The following FZD6 variants were observed in gnomAD, a reference collection of about 807,000 sequenced individuals.
FZD6 encodes the protein frizzled class receptor 6, also known as frizzled-6.
In FZD6, 49 loss-of-function variants were observed where a neutral mutation model predicts 61.4. That is an observed-to-expected ratio of 0.80 (90% CI 0.63 to 1.01). The LOEUF is 1.01. Among genes scored for constraint, FZD6 ranks in the 50% least tolerant of loss-of-function variants. The probability of loss-of-function intolerance (pLI) is 0.00; values close to 1 mark genes in which losing one functional copy is unlikely to be tolerated. For synonymous variants in FZD6, 265 were observed against 292.2 expected, an observed-to-expected ratio of 0.91 and a Z score of 0.95; for missense variants, 724 against 848.2, an observed-to-expected ratio of 0.85 and a Z score of 1.82.
chr8:103,331,589 GT>G lies in FZD6; in HGVS notation c.*82del. ...TATGCACTGTTTTGTAAGAATCACT[GT>G]TACATTCTTCTTTTGCACTTAAAGT... On this transcript the variant is annotated 3_prime_UTR_variant, in exon 7 of 7. Transcript: ENST00000358755. 1.0e-6 allele frequency: 1 copy of G among 976,738 alleles called. No individual in the cohort carries two copies. Among genetic ancestry groups the G allele is most frequent in the Non-Finnish European group, 1.6e-6 (1 of 615,760 alleles). 60.5% of individuals were successfully genotyped at this position (976,738 alleles called of 1,614,324 possible). A position where few individuals can be genotyped will look rare whatever the true frequency, so the allele number is the denominator to read the frequency against.
Position 103,331,496 on chromosome 8 carries a change from A to G in FZD6, c.2108A>G (p.His703Arg), listed in dbSNP as rs1563696331. The G allele has an allele frequency of 6.2e-7, 1 of 1,609,956 alleles. No homozygotes were observed. The highest frequency in any genetic ancestry group is 8.5e-7 in the Non-Finnish European group (1 of 1,176,144). The part of the protein sequence containing the change: ...GVRKEQGGGC[H>R]SDT ...AGAAAAGAGCAGGGAGGTGGTTGTC[A>G]TTCAGATACTTGAAGAACATTTTCT... Residue 703 changes from histidine (H) to arginine (R), a missense_variant, in exon 7 of 7, where the codon CAT becomes CGT. Transcript: ENST00000358755.
In FZD6 at chr8:103,324,530, G is replaced by T; in HGVS notation, c.424G>T (p.Glu142Ter). 2 of 1,611,180 alleles carry T rather than the reference G, an allele frequency of 1.2e-6. No homozygotes were observed. Among genetic ancestry groups the T allele is most frequent in the Non-Finnish European group, 1.7e-6 (2 of 1,177,406 alleles). The change falls in exon 4 of 7, where the codon GAA (glutamate) becomes TAA (stop). Residue 142 changes from glutamate (E) to a stop codon, truncating the protein, a stop_gained. Transcript: ENST00000358755. LOFTEE classifies it high-confidence loss of function. ...TVPVTFDPHT[E>*]FLGPQKKTEQ... ...TCCTGTAACTTTTGATCCACACACA[G>T]AATTTCTTGGTCCTCAGAAGAAAAC...
intron 2 of FZD6, among the ~76,000 whole-genome samples, chr8:103,303,422 C>T (rs1280425128): frequency 1.3e-5 from 2 of 152,178 alleles, no homozygotes; most frequent in Non-Finnish European, 2.9e-5. Context: ...CCACTCTACA[C>T]CCTTACAGTA....
intron 2 of FZD6, among the ~76,000 whole-genome samples, chr8:103,305,493 C>T (rs1814305069): frequency 6.6e-6 from 1 of 152,150 alleles, no homozygotes. Context: ...TAGAAGAGTC[C>T]AGTCCCTTCC....
At chr8:103,310,408 T>C (rs1428127094) in intron 2 of FZD6, among the ~76,000 whole-genome samples, 1 of 152,120 alleles carries the variant, frequency 6.6e-6, no homozygotes, top group Non-Finnish European at 1.5e-5. Flanking sequence ...CAGCTGGGAC[T>C]GTAGGGCTGT....
At position 103,331,411 on chromosome 8, in the gene FZD6, T is replaced by C. The variant is rs1815126043; in HGVS notation, c.2023T>C (p.Ser675Pro). ...CAACAATTTGCAGGTCCCCAGTTCTTCAGAACCAAGCAGCCTCAAAGGTTC... is the reference window on the plus strand; with the variant it reads ...CAACAATTTGCAGGTCCCCAGTTCTCCAGAACCAAGCAGCCTCAAAGGTTC... ...QSNNLQVPSS[S>P]EPSSLKGSTS... Residue 675 changes from serine to proline, a missense_variant, in exon 7 of 7, where the codon TCA becomes CCA. Coordinates refer to ENST00000358755, the MANE Select transcript of FZD6 (RefSeq NM_003506.4). 2 of 1,611,104 alleles carry C rather than the reference T, an allele frequency of 1.2e-6. No homozygotes were observed. Among genetic ancestry groups the C allele is most frequent in the East Asian group, 2.2e-5 (1 of 44,882 alleles).
upstream of FZD6, chr8:103,298,773 CCCGCCGCCGCCGCCGCCGCCG>C (rs539743508): frequency 9.8e-4 from 155 of 158,526 alleles, no homozygotes; most frequent in East Asian, 9.9e-3. Context: ...CAGGGCCAGT[CCCGCCGCCGCCGCCGCCGCCG>C]CCGCCGCCGC....
At chr8:103,323,449 T>C (rs1231080731) in intron 3 of FZD6, among the ~76,000 whole-genome samples, 2 of 151,896 alleles carry the variant, frequency 1.3e-5, no homozygotes, top group Non-Finnish European at 2.9e-5. Context: ...TTTTTTTTCC[T>C]TGAGACAGAG....
At chr8:103,301,463 C>A (rs1161307893) in intron 2 of FZD6, among the ~76,000 whole-genome samples, 1 of 152,154 alleles carries the variant, frequency 6.6e-6, no homozygotes, top group Non-Finnish European at 1.5e-5. Flanking sequence ...ATCATTCATT[C>A]ACTTTTTTGC....
chr8:103,307,934 G>A, intron 2 of FZD6: 2 of 455,970 alleles, frequency 4.4e-6, no homozygotes, highest in South Asian at 1.5e-5. Context: ...GACAACTCTT[G>A]GATGGAAATT....
intron 2 of FZD6, among the ~76,000 whole-genome samples, chr8:103,307,363 G>GT (rs1563685527): frequency 6.6e-6 from 1 of 152,118 alleles, no homozygotes; most frequent in African/African-American, 2.4e-5. Context: ...ACTAGCTGGT[G>GT]TTTATTCATT....
intron 2 of FZD6, among the ~76,000 whole-genome samples, chr8:103,312,882 T>C (rs1814536043): frequency 6.6e-6 from 1 of 152,206 alleles, no homozygotes; most frequent in Non-Finnish European, 1.5e-5. Context: ...ATGTATCCTG[T>C]GAACATTTAT....
chr8:103,320,175 A>G (rs1814743378), intron 3 of FZD6, among the ~76,000 whole-genome samples: 1 of 152,212 alleles, frequency 6.6e-6, no homozygotes, highest in Non-Finnish European at 1.5e-5. Flanking sequence ...CCATTGTGAC[A>G]TAGTAAGAGT....
rs574572725 is a variant in FZD6, at chr8:103,323,689, C to G, written c.375-792C>G. Among the ~76,000 whole-genome samples the G allele has an allele frequency of 2.0e-5, 3 of 152,270 alleles. No homozygotes were observed. The East Asian group carries it at 5.8e-4, about 29-fold the overall frequency. On this transcript the variant is annotated intron_variant, in intron 3 of 6. Transcript: ENST00000358755. ...CAAGTTATCCACCTGCCTCAGCCTC[C>G]CAAAGTGCTGGAATTATAGGCATGA...
chr8:103,310,393 G>A (rs928950404), intron 2 of FZD6, among the ~76,000 whole-genome samples: 4 of 152,038 alleles, frequency 2.6e-5, no homozygotes, highest in African/African-American at 4.8e-5. Context: ...CCTCAGCCCC[G>A]GAAGCAGCTG....
chr8:103,314,706 C>A (rs114184288), intron 2 of FZD6, among the ~76,000 whole-genome samples: 225 of 152,260 alleles, frequency 1.5e-3, no homozygotes, highest in African/African-American at 4.9e-3. Context: ...TCTGTATATG[C>A]CCTTTAAGTC....
At chr8:103,320,487 T>TA (rs1020483273) in intron 3 of FZD6, among the ~76,000 whole-genome samples, 1 of 151,974 alleles carries the variant, frequency 6.6e-6, no homozygotes, top group African/African-American at 2.4e-5. Flanking sequence ...AGAAGGGTGT[T>TA]ACTGAAACAA....
chr8:103,326,672 T>A (rs909458310), intron 4 of FZD6, among the ~76,000 whole-genome samples: 15 of 146,832 alleles, frequency 1.0e-4, no homozygotes, highest in African/African-American at 3.5e-4. Context: ...TAAAAAAAAA[T>A]TTTTTTAAAG....
intron 4 of FZD6, among the ~76,000 whole-genome samples, chr8:103,326,844 A>T (rs1814966428): frequency 6.6e-6 from 1 of 152,114 alleles, no homozygotes; most frequent in South Asian, 2.1e-4. Context: ...CATCTGATAT[A>T]AAAATGAGAA....
Sources: allele counts gnomAD v4.1 joint callset (sites outside exome capture counted in the v4.1 genomes callset), GRCh38; gene constraint gnomAD v4.1.1; transcripts MANE v1.5; gene names NCBI Gene and HGNC (gene_info 2026-07-23, HGNC 2026-07-21).